Variants in TENM3 observed in about 807,000 individuals in gnomAD.
TENM3 encodes the protein teneurin-3.
A neutral mutation model predicts 255.1 loss-of-function variants in TENM3; 63 were observed. That is an observed-to-expected ratio of 0.25 (90% CI 0.20 to 0.30). The LOEUF is 0.30. Ranked by LOEUF, TENM3 falls within the 10% of genes least tolerant of loss-of-function variation. The pLI is 1.00. For missense variants in TENM3, 2,929 were observed against 3,461.1 expected, an observed-to-expected ratio of 0.85 and a Z score of 3.86; for synonymous variants, 1,306 against 1,322.3, an observed-to-expected ratio of 0.99 and a Z score of 0.27.
the TENM3 span, among the ~76,000 whole-genome samples, chr4:182,046,223 G>A: frequency 6.6e-6 from 1 of 152,080 alleles, no homozygotes; most frequent in Non-Finnish European, 1.5e-5. Flanking sequence ...CATGGGCCTT[G>A]GAACTAACTG....
At chr4:182,406,014 A>G (rs1181407737) in intron 3 of TENM3, among the ~76,000 whole-genome samples, 1 of 152,186 alleles carries the variant, frequency 6.6e-6, no homozygotes, top group Non-Finnish European at 1.5e-5. Context: ...TGCAGGACGA[A>G]CTGGACTCAC....
chr4:181,506,535 G>A, the TENM3 span, among the ~76,000 whole-genome samples: 1 of 152,032 alleles, frequency 6.6e-6, no homozygotes, highest in Non-Finnish European at 1.5e-5. Context: ...GAAGTCAAGG[G>A]ATGGGGAAAA....
At chr4:181,684,477 A>C in the TENM3 span, among the ~76,000 whole-genome samples, 1 of 152,122 alleles carries the variant, frequency 6.6e-6, no homozygotes, top group Admixed American at 6.6e-5. Flanking sequence ...TTTGTGTGAA[A>C]ATGTGAGAAA....
At chr4:182,258,593 A>G (rs1758580892) in intron 1 of TENM3, among the ~76,000 whole-genome samples, 1 of 152,170 alleles carries the variant, frequency 6.6e-6, no homozygotes, top group South Asian at 2.1e-4. Context: ...AAGAACAGGT[A>G]TTGTTATGTA....
chr4:182,123,368 T>C, the TENM3 span, among the ~76,000 whole-genome samples: 1 of 152,250 alleles, frequency 6.6e-6, no homozygotes, highest in Non-Finnish European at 1.5e-5. Flanking sequence ...TTTTGCTTTG[T>C]ACCCGCCTTC....
the TENM3 span, among the ~76,000 whole-genome samples, chr4:182,126,140 C>T: frequency 6.6e-6 from 1 of 152,060 alleles, no homozygotes; most frequent in Non-Finnish European, 1.5e-5. Context: ...AAATGAATCT[C>T]TAATTGGAAG....
At chr4:182,628,937 C>T (rs771981307) in intron 5 of TENM3, 48 bp downstream of exon 5, 133 of 1,122,792 alleles carry the variant, frequency 1.2e-4, no homozygotes, top group Admixed American at 1.4e-4. Context: ...CAGGGTGTTA[C>T]ATTGTTTTAT....
chr4:181,577,897 ATTTG>A, the TENM3 span, among the ~76,000 whole-genome samples: 6 of 152,052 alleles, frequency 3.9e-5, no homozygotes, highest in Non-Finnish European at 4.4e-5. Flanking sequence ...GTCCCCAGAA[ATTTG>A]TTTTTCTCTT....
intron 1 of TENM3, among the ~76,000 whole-genome samples, chr4:182,194,653 A>G (rs1169188200): frequency 6.6e-6 from 1 of 152,206 alleles, no homozygotes; most frequent in Non-Finnish European, 1.5e-5. Context: ...AGCCAGACTA[A>G]ATACTCTGCA....
the TENM3 span, among the ~76,000 whole-genome samples, chr4:181,570,530 A>C: frequency 6.6e-6 from 1 of 151,938 alleles, no homozygotes; most frequent in East Asian, 1.9e-4. Flanking sequence ...AAAATGAACG[A>C]AGGAAAGAAA....
chr4:181,709,166 T>C, the TENM3 span, among the ~76,000 whole-genome samples: 8 of 152,298 alleles, frequency 5.3e-5, no homozygotes, highest in African/African-American at 1.9e-4. Flanking sequence ...CAATCTAAAT[T>C]ATTTATTCAA....
At chr4:181,991,575 A>G in the TENM3 span, among the ~76,000 whole-genome samples, 2 of 152,168 alleles carry the variant, frequency 1.3e-5, no homozygotes, top group Non-Finnish European at 2.9e-5. Context: ...TCACTGGCCC[A>G]TGTGAAATGG....
At chr4:181,745,467 G>A in the TENM3 span, among the ~76,000 whole-genome samples, 4 of 152,154 alleles carry the variant, frequency 2.6e-5, no homozygotes, top group Non-Finnish European at 4.4e-5. Flanking sequence ...TGTTATATTT[G>A]TTAGGAATGA....
At chr4:181,623,237 C>T in the TENM3 span, among the ~76,000 whole-genome samples, 217 of 152,286 alleles carry the variant, frequency 1.4e-3, 1 homozygote, top group African/African-American at 4.9e-3. Context: ...CCTCTCTGTG[C>T]CTCAGCTGTA....
At chr4:182,487,501 T>C (rs1734873360) in intron 3 of TENM3, among the ~76,000 whole-genome samples, 1 of 152,130 alleles carries the variant, frequency 6.6e-6, no homozygotes, top group Non-Finnish European at 1.5e-5. Flanking sequence ...CCAGTTCTGG[T>C]TTCATTATTT....
chr4:182,799,490 G>T lies in TENM3; in HGVS notation c.7345-106G>T, dbSNP rs114380915. 3,462 of 1,414,680 alleles carry T rather than the reference G, an allele frequency of 2.4e-3. 68 individuals carry two copies. In the African/African-American group the frequency reaches 0.039, roughly 16 times the overall value. The allele number at this position is 1,414,680 out of a possible 1,614,324, so 87.6% of individuals were successfully genotyped here. On this transcript the variant is annotated intron_variant, in intron 27 of 27. Coordinates refer to ENST00000511685, the MANE Select transcript of TENM3 (RefSeq NM_001080477.4). The surrounding 1 kb of genome is among the most constrained non-coding windows in gnomAD (Gnocchi z 4.2). ...CTTCTGGTCAGGGAAGGACCCCGGG[G>T]CTTCCATGCATGCCCCGGCGCTGCC...
chr4:182,157,018 G>T (rs1312088077), intron 1 of TENM3, among the ~76,000 whole-genome samples: 1 of 152,202 alleles, frequency 6.6e-6, no homozygotes, highest in Non-Finnish European at 1.5e-5. Context: ...CAGATCGTAT[G>T]TAAATAGCCC....
At chr4:182,420,437 G>T (rs1329951643) in intron 3 of TENM3, among the ~76,000 whole-genome samples, 1 of 152,130 alleles carries the variant, frequency 6.6e-6, no homozygotes, top group Non-Finnish European at 1.5e-5. Context: ...CTACACTGGT[G>T]AAGATTTATT....
At chr4:182,575,807 A>G (rs1744859792) in intron 3 of TENM3, among the ~76,000 whole-genome samples, 3 of 152,214 alleles carry the variant, frequency 2.0e-5, no homozygotes, top group African/African-American at 7.2e-5. Flanking sequence ...TACTGTATTA[A>G]AGGAACAAAT....
Sources: gnomAD v4.1 joint callset for allele counts (sites outside exome capture counted in the v4.1 genomes callset) on GRCh38, gnomAD v4.1.1 for gene constraint, Gnocchi (gnomAD v3.1) non-coding constraint, MANE v1.5 for transcripts, NCBI Gene and HGNC (gene_info 2026-07-23, HGNC 2026-07-21) for gene names.